Variants in NDUFAF2 observed in about 807,000 individuals in gnomAD.
NDUFAF2 encodes the protein NADH dehydrogenase [ubiquinone] 1 alpha subcomplex assembly factor 2.
A neutral mutation model predicts 22.8 loss-of-function variants in NDUFAF2; 13 were observed. That is an observed-to-expected ratio of 0.57 (90% CI 0.37 to 0.91). The LOEUF (loss-of-function observed/expected upper bound fraction) is 0.91, where lower values mean the gene tolerates loss of function less well. Ranked by LOEUF, NDUFAF2 falls within the 40% of genes least tolerant of loss-of-function variation. The pLI is 0.01. For missense variants in NDUFAF2, 162 were observed against 195.2 expected, an observed-to-expected ratio of 0.83 and a Z score of 1.01; for synonymous variants, 53 against 64.2, an observed-to-expected ratio of 0.83 and a Z score of 0.84.
At chr5:61,108,181 A>T (rs1289006096) in intron 3 of NDUFAF2, among the ~76,000 whole-genome samples, 2 of 148,654 alleles carry the variant, frequency 1.3e-5, no homozygotes, top group African/African-American at 2.6e-5. Flanking sequence ...GTGTCTTTAT[A>T]GCAGCATGAT....
intron 1 of NDUFAF2, among the ~76,000 whole-genome samples, chr5:60,986,083 G>A (rs1751070952): frequency 6.6e-6 from 1 of 152,148 alleles, no homozygotes; most frequent in African/African-American, 2.4e-5. Flanking sequence ...AGGATGGTTT[G>A]GAGGTTCTTC....
Position 61,016,918 on chromosome 5 carries a change from A to G in NDUFAF2, c.128-56207A>G, listed in dbSNP as rs183156320. Among the ~76,000 whole-genome samples, 583 of 152,306 alleles carry G rather than the reference A, an allele frequency of 3.8e-3. 3 individuals are homozygous for G. The highest frequency in any genetic ancestry group is 0.014 in the African/African-American group (563 of 41,566). On this transcript the variant is annotated intron_variant, in intron 1 of 3. Coordinates refer to ENST00000296597, the MANE Select transcript of NDUFAF2 (RefSeq NM_174889.5). ...ACCTGGTGCCTGGCCACACTTGGTA[A>G]GATCAGGCCTATCCCGAAGAAAGTA...
intron 3 of NDUFAF2, among the ~76,000 whole-genome samples, chr5:61,134,260 AG>A (rs2111817367): frequency 2.7e-5 from 1 of 37,054 alleles, no homozygotes; most frequent in Non-Finnish European, 7.3e-5. Context: ...GAGGATAAAC[AG>A]AAAATTAATA....
intron 1 of NDUFAF2, among the ~76,000 whole-genome samples, chr5:61,065,464 A>G (rs1208113509): frequency 8.5e-5 from 13 of 152,072 alleles, no homozygotes; most frequent in Admixed American, 8.5e-4. Flanking sequence ...TTAGCAAACC[A>G]AATCCAACAA....
At chr5:61,014,374 C>T (rs1374616931) in intron 1 of NDUFAF2, among the ~76,000 whole-genome samples, 1 of 152,184 alleles carries the variant, frequency 6.6e-6, no homozygotes, top group Non-Finnish European at 1.5e-5. Flanking sequence ...AGTTCTTGTG[C>T]TTGGAACCTT....
intron 1 of NDUFAF2, among the ~76,000 whole-genome samples, chr5:61,033,793 C>A (rs548964444): frequency 1.3e-5 from 2 of 152,122 alleles, no homozygotes; most frequent in African/African-American, 4.8e-5. Context: ...GAAGGAGTTA[C>A]AACCTCAAAC....
intron 2 of NDUFAF2, among the ~76,000 whole-genome samples, chr5:61,091,404 G>T (rs1752567427): frequency 6.6e-6 from 1 of 151,672 alleles, no homozygotes; most frequent in Admixed American, 6.6e-5. Context: ...GGTGTGATTT[G>T]CATTTCTTTA....
intron 3 of NDUFAF2, among the ~76,000 whole-genome samples, chr5:61,134,570 C>G (rs1203294450): frequency 6.6e-6 from 1 of 152,110 alleles, no homozygotes; most frequent in Non-Finnish European, 1.5e-5. Context: ...CCTGTAGTCC[C>G]AGCTACTTGG....
chr5:61,098,281 G>A (rs1448898230), intron 2 of NDUFAF2, among the ~76,000 whole-genome samples: 4 of 152,218 alleles, frequency 2.6e-5, no homozygotes, highest in African/African-American at 9.6e-5. Flanking sequence ...AGTAAGTGAT[G>A]AAGCTGGGAT....
intron 3 of NDUFAF2, among the ~76,000 whole-genome samples, chr5:61,132,281 T>C (rs906447324): frequency 1.3e-5 from 2 of 152,218 alleles, no homozygotes; most frequent in South Asian, 4.1e-4. Flanking sequence ...TATTGAGTGA[T>C]TGTGTACATG....
intron 1 of NDUFAF2, among the ~76,000 whole-genome samples, chr5:61,029,090 T>C (rs548910857): frequency 6.6e-6 from 1 of 152,204 alleles, no homozygotes; most frequent in Non-Finnish European, 1.5e-5. Context: ...CTTTACCCAC[T>C]CTGACCCCCA....
chr5:61,136,284 A>G (rs1272562783), intron 3 of NDUFAF2, among the ~76,000 whole-genome samples: 1 of 151,816 alleles, frequency 6.6e-6, no homozygotes, highest in Non-Finnish European at 1.5e-5. Context: ...GGACTCTTGA[A>G]CTGGAAAGTC....
intron 3 of NDUFAF2, among the ~76,000 whole-genome samples, chr5:61,121,804 TCTTTTCTTTTCTTTC>T (rs988686657): frequency 2.0e-5 from 3 of 151,686 alleles, no homozygotes; most frequent in Non-Finnish European, 2.9e-5. Context: ...AAGACTGGTT[TCTTTTCTTTTCTTTC>T]CTTTTCTTTT....
At chr5:61,010,723 A>G (rs1751432876) in intron 1 of NDUFAF2, among the ~76,000 whole-genome samples, 1 of 152,128 alleles carries the variant, frequency 6.6e-6, no homozygotes, top group Admixed American at 6.6e-5. Flanking sequence ...TTCTTTCAGT[A>G]ATAAGAACTC....
chr5:61,092,714 C>T (rs1752583666), intron 2 of NDUFAF2, among the ~76,000 whole-genome samples: 1 of 152,012 alleles, frequency 6.6e-6, no homozygotes, highest in Non-Finnish European at 1.5e-5. Context: ...TTTCTCTTGC[C>T]TGATTTCCCT....
chr5:61,040,282 ACACACGCGCGCG>A (rs1326950487), intron 1 of NDUFAF2, among the ~76,000 whole-genome samples: 2 of 84,054 alleles, frequency 2.4e-5, no homozygotes, highest in African/African-American at 9.3e-5. Context: ...ACACACACAC[ACACACGCGCGCG>A]CGCGCGCGAA....
At chr5:61,097,669 C>T (rs139465434) in intron 2 of NDUFAF2, among the ~76,000 whole-genome samples, 3 of 152,326 alleles carry the variant, frequency 2.0e-5, no homozygotes, top group African/African-American at 7.2e-5. Context: ...CTTAATCTCT[C>T]TGGGCCTCAG....
chr5:60,994,492 G>T (rs1336878522), intron 1 of NDUFAF2, among the ~76,000 whole-genome samples: 1 of 152,228 alleles, frequency 6.6e-6, no homozygotes, highest in Non-Finnish European at 1.5e-5. Context: ...TCTGTGGAGT[G>T]TGTAGCCCTG....
At chr5:61,013,657 C>T (rs1751469802) in intron 1 of NDUFAF2, among the ~76,000 whole-genome samples, 1 of 150,818 alleles carries the variant, frequency 6.6e-6, no homozygotes, top group African/African-American at 2.4e-5. Context: ...TCACTGGAGA[C>T]TCAGCCAAGA....
Sources: allele counts gnomAD v4.1 joint callset (sites outside exome capture counted in the v4.1 genomes callset), GRCh38; gene constraint gnomAD v4.1.1; transcripts MANE v1.5; gene names NCBI Gene and HGNC (gene_info 2026-07-23, HGNC 2026-07-21).